The following CHDH variants were observed in gnomAD, a reference collection of about 807,000 sequenced individuals.
CHDH encodes the protein choline dehydrogenase, mitochondrial.
A neutral mutation model predicts 56.9 loss-of-function variants in CHDH; 43 were observed. The ratio of observed to expected loss-of-function variants is 0.76; its 90% CI spans 0.59 to 0.97. The LOEUF (loss-of-function observed/expected upper bound fraction) is 0.97. CHDH is among the 50% of genes least tolerant of loss of function. The pLI, the probability that CHDH is intolerant of heterozygous loss-of-function variation, is 0.00. For synonymous variants in CHDH, 364 were observed against 348.5 expected (o/e 1.04, Z -0.50); for missense variants, 816 against 821.1 (o/e 0.99, Z 0.08).
chr3:53,843,187 C>CTT (rs1443441121), intron 1 of CHDH, among the ~76,000 whole-genome samples: 13 of 21,882 alleles, frequency 5.9e-4, no homozygotes, highest in South Asian at 2.5e-3. Context: ...TCCCCCCCCA[C>CTT]CTTTTTTTTT....
At chr3:53,831,119 T>TGGTA (rs1698319419) in intron 2 of CHDH, among the ~76,000 whole-genome samples, 1 of 152,148 alleles carries the variant, frequency 6.6e-6, no homozygotes, top group Non-Finnish European at 1.5e-5. Context: ...TGAATGCTGG[T>TGGTA]GGTATCCTGG....
intron 3 of CHDH, 66 bp from the exon 4 acceptor site, chr3:53,822,708 G>A: frequency 6.4e-7 from 1 of 1,557,822 alleles, no homozygotes; most frequent in East Asian, 2.3e-5. Flanking sequence ...CAGGAGGAAG[G>A]AGCTGGAGAA....
At position 53,820,570 on chromosome 3, in the gene CHDH, T is replaced by C; in HGVS notation, c.1024A>G (p.Ile342Val). 1 of 1,614,054 alleles carries C rather than the reference T, an allele frequency of 6.2e-7. No individual in the cohort carries two copies. Among genetic ancestry groups the C allele is most frequent in the Non-Finnish European group, 8.5e-7 (1 of 1,179,966 alleles). The change falls in exon 6 of 9, where the codon ATT becomes GTT. Residue 342 changes from isoleucine (I) to valine (V), a missense_variant. By Grantham distance (29) the Ile-to-Val change is conservative (BLOSUM62 3). Coordinates refer to ENST00000315251, the MANE Select transcript of CHDH (RefSeq NM_018397.5). ...ATAGGGCGGGTGCATGCCTGCTGAA[T>C]GTAGATCTCCAGGTGGTCTTGCAGG... The part of the protein sequence containing the change: ...QNLQDHLEIY[I>V]QQACTRPITL...
At chr3:53,821,495 C>T in intron 5 of CHDH, 152 bp downstream of exon 5, 1 of 669,546 alleles carries the variant, frequency 1.5e-6, no homozygotes, top group Non-Finnish European at 2.6e-6. Flanking sequence ...TCCAGTGAGG[C>T]CTGGGAAACC....
At chr3:53,831,859 T>C (rs1698342877) in intron 2 of CHDH, among the ~76,000 whole-genome samples, 1 of 151,352 alleles carries the variant, frequency 6.6e-6, no homozygotes, top group Non-Finnish European at 1.5e-5. Context: ...TCCTGATGGC[T>C]ATCACACCCA....
chr3:53,833,701 A>C (rs985353889), intron 2 of CHDH, among the ~76,000 whole-genome samples: 3 of 151,760 alleles, frequency 2.0e-5, no homozygotes, highest in Non-Finnish European at 2.9e-5. Flanking sequence ...GGGTGCCTGC[A>C]CTCCCAGCCC....
At chr3:53,833,674 GCTTCCCTTTTGA>G (rs1358053448) in intron 2 of CHDH, among the ~76,000 whole-genome samples, 1 of 152,148 alleles carries the variant, frequency 6.6e-6, no homozygotes, top group African/African-American at 2.4e-5. Flanking sequence ...AGCATCCAAG[GCTTCCCTTTTGA>G]CTCTGGGTGC....
Position 53,819,021 on chromosome 3 carries a change from C to T in CHDH, c.1283G>A (p.Arg428Gln), listed in dbSNP as rs373098572. ...EAYQVHVGPM[R>Q]GTSVGWLKLR... ...TTTGAGCCAGCCCACACTCGTGCCC[C>T]GCATGGGCCCCACATGTACCTAGAA... The change falls in exon 8 of 9, where the codon CGG becomes CAG. Residue 428 changes from arginine to glutamine, a missense_variant. Physicochemically the swap from Arg to Gln is conservative, Grantham distance 43. Coordinates refer to ENST00000315251, the MANE Select transcript of CHDH (RefSeq NM_018397.5). The surrounding 1 kb of genome is among the most constrained non-coding windows in gnomAD (Gnocchi z 5.4). 68 of 1,612,842 alleles carry T rather than the reference C, an allele frequency of 4.2e-5. No homozygotes were observed. Among genetic ancestry groups the T allele is most frequent in the African/African-American group, 1.6e-4 (12 of 74,908 alleles).
chr3:53,825,369 T>C (rs2095637103), intron 2 of CHDH, among the ~76,000 whole-genome samples: 1 of 152,026 alleles, frequency 6.6e-6, no homozygotes, highest in African/African-American at 2.4e-5. Flanking sequence ...AAGGTGAGCA[T>C]TATAAAAGAT....
chr3:53,822,642 C>T lies in CHDH; in HGVS notation c.704G>A (p.Gly235Asp), dbSNP rs768043532. ...FGWMDMTIHE[G>D]KRWSAACAYL... ...GGCACAGGCCGCGCTCCACCGTTTG[C>T]CTGCAGGATGGAGTGAGGTGGTCAG... The change falls in exon 4 of 9, where the codon GGC (glycine) becomes GAC (aspartate). Residue 235 changes from glycine to aspartate, a missense_variant and splice_region_variant. Physicochemically the swap from Gly to Asp is moderately conservative, Grantham distance 94 (BLOSUM62 -1). Coordinates refer to ENST00000315251, the MANE Select transcript of CHDH (RefSeq NM_018397.5). The T allele has an allele frequency of 1.9e-6, 3 of 1,606,938 alleles. No homozygotes were observed. The highest frequency in any genetic ancestry group is 2.7e-5 in the African/African-American group (2 of 74,906).
intron 2 of CHDH, 37 bp from the exon 3 acceptor site, chr3:53,824,104 C>A: frequency 8.2e-7 from 1 of 1,226,818 alleles, no homozygotes; most frequent in South Asian, 1.7e-5. Context: ...ATCTTAACTC[C>A]GCATATCCAG....
chr3:53,834,869 C>T (rs2106977860), intron 2 of CHDH, among the ~76,000 whole-genome samples: 1 of 152,338 alleles, frequency 6.6e-6, no homozygotes, highest in Middle Eastern at 3.4e-3. Context: ...TTTCACTGGT[C>T]ACCCAAGAGG....
intron 2 of CHDH, among the ~76,000 whole-genome samples, chr3:53,825,451 AG>A (rs976774259): frequency 4.6e-5 from 7 of 152,256 alleles, no homozygotes; most frequent in African/African-American, 1.7e-4. Context: ...CATAAATGCA[AG>A]AAAAAAATAC....
chr3:53,818,413 C>A (rs2095619735), intron 8 of CHDH, among the ~76,000 whole-genome samples: 1 of 152,212 alleles, frequency 6.6e-6, no homozygotes, highest in Non-Finnish European at 1.5e-5. Context: ...TACACGGACA[C>A]AGCCCACCCA....
intron 1 of CHDH, among the ~76,000 whole-genome samples, chr3:53,841,340 G>A (rs755006971): frequency 1.3e-5 from 2 of 152,116 alleles, no homozygotes; most frequent in Admixed American, 6.5e-5. Flanking sequence ...CTGCTGCGCC[G>A]ACTCCAGTAC....
chr3:53,817,967 G>T lies in CHDH; in HGVS notation c.1595C>A (p.Thr532Lys). ...GAGGTTTTCCACCCCGAGGACCCTT[G>T]TCTGCGGATCCACCACGGCAGTGGG... Reference protein sequence around the residue: ...SDPTAVVDPQTRVLGVENLRV... With the variant: ...SDPTAVVDPQKRVLGVENLRV... The change falls in exon 9 of 9, where the codon ACA becomes AAA. Residue 532 changes from threonine to lysine, a missense_variant. Transcript: ENST00000315251. 16 of 1,614,208 alleles carry T rather than the reference G, an allele frequency of 9.9e-6. No homozygotes were observed. The highest frequency in any genetic ancestry group is 1.4e-5 in the Non-Finnish European group (16 of 1,180,042).
rs140389543 is a variant in CHDH at position 53,817,417 on chromosome 3, G to C, written c.*360C>G. The C allele has an allele frequency of 2.8e-4, 68 of 240,640 alleles. No homozygotes were observed. The highest frequency in any genetic ancestry group is 5.0e-4 in the Non-Finnish European group (62 of 124,262). The allele number at this position is 240,640 out of a possible 1,614,324, so 14.9% of individuals were successfully genotyped here. A position where few individuals can be genotyped will look rare whatever the true frequency, so the allele number is the denominator to read the frequency against. ...GGCAGGCACCCAGCCTCTGTGCATG[G>C]CCTGGGAAGGAACCACTGCCCTGGG... On this transcript the variant is annotated 3_prime_UTR_variant, in exon 9 of 9. Transcript: ENST00000315251.
chr3:53,845,806 G>A (rs1698857136), intron 1 of CHDH, among the ~76,000 whole-genome samples: 1 of 152,234 alleles, frequency 6.6e-6, no homozygotes, highest in Admixed American at 6.5e-5. Flanking sequence ...CTCACTTGGT[G>A]GAAACAGACA....
chr3:53,843,193 T>A (rs1698734051), intron 1 of CHDH, among the ~76,000 whole-genome samples: 1 of 147,912 alleles, frequency 6.8e-6, no homozygotes, highest in African/African-American at 2.5e-5. Flanking sequence ...CCCACCTTTT[T>A]TTTTTTTTTT....
Sources: allele counts gnomAD v4.1 joint callset (sites outside exome capture counted in the v4.1 genomes callset), GRCh38; gene constraint gnomAD v4.1.1; non-coding constraint Gnocchi (gnomAD v3.1); transcripts MANE v1.5; gene names NCBI Gene and HGNC (gene_info 2026-07-23, HGNC 2026-07-21).